EEFSEC: variants seen among roughly 807,000 people sequenced by gnomAD.
EEFSEC encodes the protein selenocysteine-specific elongation factor.
EEFSEC carries 43 observed loss-of-function variants against 42.1 expected under a neutral mutation model. The observed-to-expected ratio is 1.02, with a 90% confidence interval of 0.80 to 1.32. The LOEUF (loss-of-function observed/expected upper bound fraction) is 1.32. Ranked by LOEUF, EEFSEC falls within the 40% of genes most tolerant of loss-of-function variation. The probability of loss-of-function intolerance (pLI) is 0.00; values close to 1 mark genes in which losing one functional copy is unlikely to be tolerated. For synonymous variants in EEFSEC, 354 were observed against 339.1 expected (o/e 1.04, Z -0.48); for missense variants, 745 against 803.6 (o/e 0.93, Z 0.88).
At chr3:128,310,693 A>G (rs1270093909) in intron 4 of EEFSEC, among the ~76,000 whole-genome samples, 2 of 152,230 alleles carry the variant, frequency 1.3e-5, no homozygotes, top group Admixed American at 6.5e-5. Context: ...CCTGACTTCC[A>G]TTGCATTGCA....
chr3:128,398,233 C>G (rs1467104342), intron 6 of EEFSEC, among the ~76,000 whole-genome samples: 1 of 152,148 alleles, frequency 6.6e-6, no homozygotes, highest in Non-Finnish European at 1.5e-5. Flanking sequence ...GCTGGGCAGG[C>G]GTCAGAGAAG....
intron 4 of EEFSEC, among the ~76,000 whole-genome samples, 193 bp from the exon 5 acceptor site, chr3:128,341,040 C>T (rs372407116): frequency 2.0e-5 from 3 of 152,314 alleles, no homozygotes; most frequent in Admixed American, 6.5e-5. Context: ...TGGCGGCCCT[C>T]GGCCTTGTGC....
intron 1 of EEFSEC, among the ~76,000 whole-genome samples, chr3:128,240,008 G>A (rs1342300462): frequency 1.3e-5 from 2 of 152,230 alleles, no homozygotes; most frequent in Non-Finnish European, 2.9e-5. Context: ...ATGAATGTTT[G>A]GCTTCAGTGA....
chr3:128,218,032 G>A (rs182519574), intron 1 of EEFSEC, among the ~76,000 whole-genome samples: 3 of 152,312 alleles, frequency 2.0e-5, no homozygotes, highest in Admixed American at 1.3e-4. Flanking sequence ...TGGAATCCAA[G>A]TAAATGGGTA....
chr3:128,259,316 T>C (rs561095312), intron 2 of EEFSEC, among the ~76,000 whole-genome samples: 107 of 152,282 alleles, frequency 7.0e-4, no homozygotes, highest in African/African-American at 7.9e-4. Context: ...TGAAAATACA[T>C]TGGGTATACA....
chr3:128,160,075 G>A (rs2065165010), intron 1 of EEFSEC, among the ~76,000 whole-genome samples: 1 of 152,214 alleles, frequency 6.6e-6, no homozygotes, highest in Non-Finnish European at 1.5e-5. Flanking sequence ...CAGCTCCTGG[G>A]CTAGCCAGTT....
chr3:128,390,292 A>C (rs1377987578), intron 6 of EEFSEC, among the ~76,000 whole-genome samples: 1 of 152,202 alleles, frequency 6.6e-6, no homozygotes, highest in Non-Finnish European at 1.5e-5. Context: ...AATGTGTACT[A>C]TATAGAGGAG....
intron 4 of EEFSEC, among the ~76,000 whole-genome samples, chr3:128,301,290 C>T (rs1451584279): frequency 6.6e-6 from 1 of 152,182 alleles, no homozygotes; most frequent in Non-Finnish European, 1.5e-5. Flanking sequence ...GGTGTGCACG[C>T]TTGTTCCAGC....
At chr3:128,270,859 C>A (rs1443081446) in intron 4 of EEFSEC, among the ~76,000 whole-genome samples, 1 of 152,120 alleles carries the variant, frequency 6.6e-6, no homozygotes, top group East Asian at 1.9e-4. Flanking sequence ...AGAGGTGTGC[C>A]CCGTCCTCTG....
At position 128,294,236 on chromosome 3, in the gene EEFSEC, A is replaced by G. The variant is rs146995187; in HGVS notation, c.786+29455A>G. Among the ~76,000 whole-genome samples the G allele has an allele frequency of 3.9e-5, 6 of 152,292 alleles. No homozygotes were observed. In the East Asian group the frequency reaches 1.2e-3, roughly 29 times the overall value. ...ATCCCTCCTTCCCATAGGGTCCCCTAGGGCTAGGGTGGAGGACTATCTGTC... is the reference window on the plus strand; with the variant it reads ...ATCCCTCCTTCCCATAGGGTCCCCTGGGGCTAGGGTGGAGGACTATCTGTC... On this transcript the variant is annotated intron_variant, in intron 4 of 6. Transcript: ENST00000254730.
chr3:128,179,461 A>G (rs2065383242), intron 1 of EEFSEC, among the ~76,000 whole-genome samples: 1 of 152,246 alleles, frequency 6.6e-6, no homozygotes. Context: ...AGCAGATAAT[A>G]TTTGAGTATC....
At chr3:128,233,289 G>C (rs989362239) in intron 1 of EEFSEC, among the ~76,000 whole-genome samples, 2 of 152,118 alleles carry the variant, frequency 1.3e-5, no homozygotes, top group East Asian at 3.9e-4. Context: ...TTGTACTTAT[G>C]GTCATGTAAA....
chr3:128,261,984 T>C (rs2066301557), intron 2 of EEFSEC, 144 bp from the exon 3 acceptor site: 3 of 740,116 alleles, frequency 4.1e-6, no homozygotes, highest in South Asian at 3.3e-5. Context: ...GCTAGTACAG[T>C]GGTGCTGTCT....
At chr3:128,158,201 G>A in intron 1 of EEFSEC, among the ~76,000 whole-genome samples, 1 of 152,218 alleles carries the variant, frequency 6.6e-6, no homozygotes, top group Non-Finnish European at 1.5e-5. Context: ...TTGAGTGGAT[G>A]AGGAGTTGCT....
chr3:128,297,745 T>G (rs1368559902), intron 4 of EEFSEC, among the ~76,000 whole-genome samples: 1 of 132,910 alleles, frequency 7.5e-6, no homozygotes, highest in Non-Finnish European at 1.6e-5. Flanking sequence ...AGATATTTTT[T>G]GAAAAATTGA....
At chr3:128,306,894 A>G (rs924432658) in intron 4 of EEFSEC, among the ~76,000 whole-genome samples, 4 of 152,248 alleles carry the variant, frequency 2.6e-5, no homozygotes, top group African/African-American at 9.6e-5. Context: ...AAATCTTTCT[A>G]CTTAGCCCAT....
chr3:128,287,418 C>T (rs921292975), intron 4 of EEFSEC, among the ~76,000 whole-genome samples: 2 of 152,124 alleles, frequency 1.3e-5, no homozygotes, highest in African/African-American at 4.8e-5. Context: ...AGTGAGGAGG[C>T]TGGGGAGGGG....
intron 1 of EEFSEC, among the ~76,000 whole-genome samples, chr3:128,180,708 T>C (rs1295230280): frequency 1.3e-5 from 2 of 152,096 alleles, no homozygotes; most frequent in East Asian, 3.9e-4. Flanking sequence ...GGCAGGCCTG[T>C]GAAAGGAGCA....
intron 1 of EEFSEC, among the ~76,000 whole-genome samples, chr3:128,240,262 TTC>T (rs1403062728): frequency 6.6e-6 from 1 of 152,216 alleles, no homozygotes; most frequent in East Asian, 1.9e-4. Flanking sequence ...GGGGCCCAGG[TTC>T]AGTGCTCACA....
Sources: allele counts gnomAD v4.1 joint callset (sites outside exome capture counted in the v4.1 genomes callset), GRCh38; gene constraint gnomAD v4.1.1; transcripts MANE v1.5; gene names NCBI Gene and HGNC (gene_info 2026-07-23, HGNC 2026-07-21).